Variants in EXD3 observed in about 807,000 individuals in gnomAD.
EXD3 encodes exonuclease mut-7 homolog.
In EXD3, 92 loss-of-function variants were observed where a neutral mutation model predicts 98.0. The ratio of observed to expected loss-of-function variants is 0.94; its 90% CI spans 0.79 to 1.12. The LOEUF (loss-of-function observed/expected upper bound fraction) is 1.12, where lower values mean the gene tolerates loss of function less well. EXD3 is among the 50% of genes most tolerant of loss of function. EXD3 has a pLI of 0.00. For synonymous variants in EXD3, 569 were observed against 526.0 expected, an observed-to-expected ratio of 1.08 and a Z score of -1.12; for missense variants, 1,222 against 1,191.6, an observed-to-expected ratio of 1.03 and a Z score of -0.38.
chr9:137,411,591 C>T (rs900369183), intron 1 of EXD3, among the ~76,000 whole-genome samples: 1 of 151,812 alleles, frequency 6.6e-6, no homozygotes, highest in East Asian at 1.9e-4. Context: ...GGCAGAGGCT[C>T]AGAGGTGGCC....
At chr9:137,396,286 G>A (rs1177270052) in intron 1 of EXD3, among the ~76,000 whole-genome samples, 1 of 151,908 alleles carries the variant, frequency 6.6e-6, no homozygotes, top group Admixed American at 6.6e-5. Flanking sequence ...TGTTTTTGAT[G>A]CAAAACCCTT....
At chr9:137,410,463 C>T (rs1367681579) in intron 1 of EXD3, among the ~76,000 whole-genome samples, 2 of 142,328 alleles carry the variant, frequency 1.4e-5, no homozygotes, top group Non-Finnish European at 3.0e-5. Context: ...CCAGCCTGGG[C>T]GACAGAGCGA....
intron 3 of EXD3, among the ~76,000 whole-genome samples, chr9:137,382,206 C>T (rs1464462847): frequency 6.6e-6 from 1 of 151,730 alleles, no homozygotes; most frequent in Non-Finnish European, 1.5e-5. Flanking sequence ...GGTGAGGGCA[C>T]AGACACAGGC....
At chr9:137,364,768 A>ACG in intron 7 of EXD3, among the ~76,000 whole-genome samples, 1 of 91,708 alleles carries the variant, frequency 1.1e-5, no homozygotes. Context: ...GTTTTGTTCT[A>ACG]TGTTTTTTTT....
At position 137,393,114 on chromosome 9, in the gene EXD3, G is replaced by A. The variant is rs1333950400; in HGVS notation, c.55+2189C>T. On this transcript the variant is annotated intron_variant, in intron 2 of 21. Coordinates refer to ENST00000340951, the MANE Select transcript of EXD3 (RefSeq NM_017820.5). The surrounding 1 kb of genome is among the most constrained non-coding windows in gnomAD (Gnocchi z 4.6). ...GGGGGTGCCGTGTCTGTTCCAGGGA[G>A]GGCCATTAGTGTTCCAGGGGGCGCC... 14 of 699,058 alleles carry A rather than the reference G, an allele frequency of 2.0e-5. No individual in the cohort carries two copies. The highest frequency in any genetic ancestry group is 2.6e-5 in the Non-Finnish European group (10 of 384,066). 43.3% of individuals were successfully genotyped at this position (699,058 alleles called of 1,614,324 possible). A position where few individuals can be genotyped will look rare whatever the true frequency, so the allele number is the denominator to read the frequency against.
chr9:137,373,755 G>A lies in EXD3; in HGVS notation c.121-156C>T, dbSNP rs892840089. ...CTGCGCCTCCGTGACTTTTCATGCC[G>A]CCGTTCTGGTCCGCTGCACCCCAGG... On this transcript the variant is annotated intron_variant, in intron 3 of 21. Transcript: ENST00000340951. Among the ~76,000 whole-genome samples, 19 of 152,340 alleles carry A rather than the reference G, an allele frequency of 1.2e-4. 1 individual carries two copies. The highest frequency in any genetic ancestry group is 8.5e-4 in the Admixed American group (13 of 15,308).
At chr9:137,341,078 G>A (rs1002827050) in intron 17 of EXD3, among the ~76,000 whole-genome samples, 1 of 152,238 alleles carries the variant, frequency 6.6e-6, no homozygotes, top group Non-Finnish European at 1.5e-5. Context: ...CACTTTGGGA[G>A]GCTGAAGCAG....
intron 19 of EXD3, among the ~76,000 whole-genome samples, chr9:137,320,100 G>T (rs925350180): frequency 6.6e-6 from 1 of 152,178 alleles, no homozygotes; most frequent in African/African-American, 2.4e-5. Flanking sequence ...CAGGGGGAAC[G>T]CTTGGTTCTG....
At chr9:137,386,703 C>T (rs1246389412) in intron 2 of EXD3, among the ~76,000 whole-genome samples, 2 of 152,148 alleles carry the variant, frequency 1.3e-5, no homozygotes, top group Non-Finnish European at 2.9e-5. Flanking sequence ...TGGACCCTGC[C>T]CCTTGGGCCT....
At chr9:137,312,901 C>T (rs543666097) in intron 19 of EXD3, among the ~76,000 whole-genome samples, 2 of 152,140 alleles carry the variant, frequency 1.3e-5, no homozygotes, top group South Asian at 4.1e-4. Flanking sequence ...CCTGACCTGA[C>T]CTGGTGCCCA....
chr9:137,382,679 C>T (rs1836376295), intron 3 of EXD3, among the ~76,000 whole-genome samples: 1 of 152,082 alleles, frequency 6.6e-6, no homozygotes, highest in Non-Finnish European at 1.5e-5. Flanking sequence ...CAGGGGTGAC[C>T]TCAGGCCAGT....
At chr9:137,375,559 C>T (rs1588380660) in intron 3 of EXD3, among the ~76,000 whole-genome samples, 2 of 151,752 alleles carry the variant, frequency 1.3e-5, no homozygotes, top group East Asian at 3.9e-4. Context: ...CCTGTGAGTC[C>T]TAGCGCTGGC....
At chr9:137,389,208 C>T (rs1836765646) in intron 2 of EXD3, among the ~76,000 whole-genome samples, 1 of 152,208 alleles carries the variant, frequency 6.6e-6, no homozygotes, top group Non-Finnish European at 1.5e-5. Flanking sequence ...GTGATAAGGA[C>T]AGAGGCGGCA....
At chr9:137,412,839 G>A (rs1838061853) in intron 1 of EXD3, among the ~76,000 whole-genome samples, 1 of 152,102 alleles carries the variant, frequency 6.6e-6, no homozygotes, top group Non-Finnish European at 1.5e-5. Context: ...GTGCGGTGGG[G>A]CGATCACGGC....
intron 1 of EXD3, among the ~76,000 whole-genome samples, chr9:137,409,322 C>A (rs1837884031): frequency 6.6e-6 from 1 of 152,234 alleles, no homozygotes; most frequent in Non-Finnish European, 1.5e-5. Flanking sequence ...ATGAACGCCT[C>A]CTCGGATGCT....
chr9:137,388,476 G>A (rs776777660), intron 2 of EXD3, among the ~76,000 whole-genome samples: 5 of 152,188 alleles, frequency 3.3e-5, no homozygotes, highest in Non-Finnish European at 7.3e-5. Context: ...GGGAAACTGT[G>A]GGCTGTGGAG....
chr9:137,367,398 G>C (rs1323603366), intron 6 of EXD3, among the ~76,000 whole-genome samples: 1 of 152,180 alleles, frequency 6.6e-6, no homozygotes, highest in Non-Finnish European at 1.5e-5. Context: ...CTCTGCCCGA[G>C]GGGTGCTCAC....
chr9:137,368,945 G>A (rs1254912293), intron 5 of EXD3, among the ~76,000 whole-genome samples: 1 of 133,040 alleles, frequency 7.5e-6, no homozygotes, highest in Non-Finnish European at 1.6e-5. Context: ...GGAGTCTCAG[G>A]CCCGTGAGGA....
At position 137,355,774 on chromosome 9, in the gene EXD3, C is replaced by T. The variant is rs563587047; in HGVS notation, c.757+494G>A. Among the ~76,000 whole-genome samples the T allele has an allele frequency of 9.9e-5, 15 of 150,794 alleles. No individual in the cohort carries two copies. In the South Asian group the frequency reaches 2.3e-3, roughly 23 times the overall value. On this transcript the variant is annotated intron_variant, in intron 8 of 21. Coordinates refer to ENST00000340951, the MANE Select transcript of EXD3 (RefSeq NM_017820.5). ...AAAATCCAGATAAAATTCAAACTTC[C>T]GGCCAGGTGCCAGCCTGTACCCTCC... is the stretch of plus-strand genomic sequence containing the variant.
Sources: allele counts gnomAD v4.1 joint callset (sites outside exome capture counted in the v4.1 genomes callset), GRCh38; gene constraint gnomAD v4.1.1; non-coding constraint Gnocchi (gnomAD v3.1); transcripts MANE v1.5; gene names NCBI Gene and HGNC (gene_info 2026-07-23, HGNC 2026-07-21).